SPOCK3: variants seen among roughly 807,000 people sequenced by gnomAD.
SPOCK3 encodes the protein SPARC (osteonectin), cwcv and kazal like domains proteoglycan 3.
SPOCK3 carries 30 observed loss-of-function variants against 56.6 expected under a neutral mutation model. That is an observed-to-expected ratio of 0.53 (90% CI 0.40 to 0.72). SPOCK3 has a LOEUF of 0.72. SPOCK3 is among the 30% of genes least tolerant of loss of function. The pLI is 0.00. For synonymous variants in SPOCK3, 196 were observed against 183.3 expected (o/e 1.07, Z -0.56); for missense variants, 527 against 530.0 (o/e 0.99, Z 0.06).
chr4:166,748,889 C>G (rs1372938399), intron 8 of SPOCK3, among the ~76,000 whole-genome samples: 1 of 137,466 alleles, frequency 7.3e-6, no homozygotes. Context: ...AGAAAAAATG[C>G]TCATCATCAC....
intron 4 of SPOCK3, among the ~76,000 whole-genome samples, chr4:166,915,520 T>C (rs560030018): frequency 1.3e-5 from 2 of 152,282 alleles, no homozygotes; most frequent in African/African-American, 4.8e-5. Flanking sequence ...CATATATAAA[T>C]TATATATACA....
chr4:166,904,245 G>A (rs1579597903), intron 5 of SPOCK3, among the ~76,000 whole-genome samples: 1 of 151,884 alleles, frequency 6.6e-6, no homozygotes, highest in East Asian at 1.9e-4. Context: ...GTGTATGTTA[G>A]TGTATGTTAT....
chr4:166,992,789 G>A (rs1375205122), intron 4 of SPOCK3, among the ~76,000 whole-genome samples: 1 of 146,684 alleles, frequency 6.8e-6, no homozygotes. Flanking sequence ...AAGAAACCAG[G>A]AACTATTTGA....
At chr4:166,998,898 A>C (rs578087074) in intron 4 of SPOCK3, among the ~76,000 whole-genome samples, 1 of 152,074 alleles carries the variant, frequency 6.6e-6, no homozygotes, top group African/African-American at 2.4e-5. Flanking sequence ...TCACATACTA[A>C]TGTTTTTAAA....
At chr4:166,994,130 C>T (rs1748103479) in intron 4 of SPOCK3, among the ~76,000 whole-genome samples, 1 of 152,112 alleles carries the variant, frequency 6.6e-6, no homozygotes, top group African/African-American at 2.4e-5. Flanking sequence ...GTGGGCAGGA[C>T]ATCTCGCGAG....
At chr4:166,918,964 T>C (rs1202288412) in intron 4 of SPOCK3, among the ~76,000 whole-genome samples, 1 of 152,172 alleles carries the variant, frequency 6.6e-6, no homozygotes, top group Non-Finnish European at 1.5e-5. Flanking sequence ...CCATGTGATC[T>C]CTGCACACCC....
intron 4 of SPOCK3, among the ~76,000 whole-genome samples, chr4:166,995,938 T>C (rs1033847996): frequency 2.0e-5 from 3 of 152,164 alleles, no homozygotes; most frequent in African/African-American, 7.2e-5. Flanking sequence ...TGATTAAATC[T>C]TTCTGCTTTC....
At chr4:166,816,832 T>C (rs1386934401) in intron 6 of SPOCK3, among the ~76,000 whole-genome samples, 1 of 152,006 alleles carries the variant, frequency 6.6e-6, no homozygotes, top group Non-Finnish European at 1.5e-5. Flanking sequence ...GCCTCTGTGG[T>C]ATGGTGTTAA....
chr4:166,884,039 A>G (rs1733942817), intron 6 of SPOCK3, among the ~76,000 whole-genome samples: 1 of 152,210 alleles, frequency 6.6e-6, no homozygotes, highest in South Asian at 2.1e-4. Flanking sequence ...ATATAACTAC[A>G]TACATGGCTA....
chr4:167,142,422 A>T (rs1763612467), intron 2 of SPOCK3, among the ~76,000 whole-genome samples: 1 of 151,986 alleles, frequency 6.6e-6, no homozygotes, highest in South Asian at 2.1e-4. Flanking sequence ...TTAAAGTAGT[A>T]AATCAAAAAA....
intron 2 of SPOCK3, among the ~76,000 whole-genome samples, chr4:167,173,555 G>C (rs1197358299): frequency 6.6e-6 from 1 of 152,056 alleles, no homozygotes; most frequent in African/African-American, 2.4e-5. Context: ...TTATTTCATA[G>C]TGACAATGAC....
intron 3 of SPOCK3, among the ~76,000 whole-genome samples, chr4:167,048,163 T>C (rs920468114): frequency 2.6e-5 from 4 of 152,020 alleles, no homozygotes; most frequent in Non-Finnish European, 5.9e-5. Flanking sequence ...AAGAGGCAAT[T>C]ACCTAAAATA....
chr4:167,181,235 C>T (rs1731427540), intron 2 of SPOCK3, among the ~76,000 whole-genome samples: 1 of 152,270 alleles, frequency 6.6e-6, no homozygotes, highest in South Asian at 2.1e-4. Flanking sequence ...TGTTACAAGG[C>T]AACTCTATTC....
intron 6 of SPOCK3, among the ~76,000 whole-genome samples, chr4:166,861,004 A>G (rs936914605): frequency 6.6e-6 from 1 of 151,648 alleles, no homozygotes; most frequent in African/African-American, 2.4e-5. Context: ...TTAACTGTCA[A>G]TTATTGGTTT....
intron 5 of SPOCK3, among the ~76,000 whole-genome samples, chr4:166,891,443 G>A (rs1734770950): frequency 6.6e-6 from 1 of 151,826 alleles, no homozygotes; most frequent in Admixed American, 6.6e-5. Context: ...ATGGACAGTT[G>A]AAATTCTTAA....
chr4:166,938,325 T>C (rs1012597068), intron 4 of SPOCK3, among the ~76,000 whole-genome samples: 3 of 152,178 alleles, frequency 2.0e-5, no homozygotes, highest in Non-Finnish European at 4.4e-5. Flanking sequence ...ATTGATTATG[T>C]GCAAGAATGA....
At chr4:166,926,102 A>G (rs879335439) in intron 4 of SPOCK3, among the ~76,000 whole-genome samples, 1 of 152,202 alleles carries the variant, frequency 6.6e-6, no homozygotes, top group African/African-American at 2.4e-5. Context: ...GAAAATTATT[A>G]TTTGAATAGC....
intron 5 of SPOCK3, among the ~76,000 whole-genome samples, chr4:166,891,600 G>A (rs115666555): frequency 0.011 from 1,647 of 151,980 alleles, 39 homozygotes; most frequent in African/African-American, 0.037. Context: ...GATTTTGTCA[G>A]TAAAATCACA....
intron 2 of SPOCK3, among the ~76,000 whole-genome samples, chr4:167,078,308 C>CTGTGTGTGTGTGTGTGTG (rs3082377): frequency 9.5e-6 from 1 of 105,036 alleles, no homozygotes; most frequent in African/African-American, 3.4e-5. Flanking sequence ...GGTCATAACT[C>CTGTGTGTGTGTGTGTGTG]TGTGTGTGTG....
Sources: allele counts gnomAD v4.1 joint callset (sites outside exome capture counted in the v4.1 genomes callset), GRCh38; gene constraint gnomAD v4.1.1; transcripts MANE v1.5; gene names NCBI Gene and HGNC (gene_info 2026-07-23, HGNC 2026-07-21).